Variants in TAMM41 observed in about 807,000 individuals in gnomAD.
The protein encoded by TAMM41 is phosphatidate cytidylyltransferase, mitochondrial.
TAMM41 carries 36 observed loss-of-function variants against 44.1 expected under a neutral mutation model. The ratio of observed to expected loss-of-function variants is 0.82; its 90% confidence interval spans 0.63 to 1.08. TAMM41 has a LOEUF of 1.08. TAMM41 is among the 50% of genes least tolerant of loss of function. TAMM41 has a pLI of 0.00. For synonymous variants in TAMM41, 164 were observed against 153.1 expected (o/e 1.07, Z -0.53); for missense variants, 417 against 404.3 (o/e 1.03, Z -0.27).
chr3:11,750,768 G>C, the TAMM41 span, among the ~76,000 whole-genome samples: 1 of 152,116 alleles, frequency 6.6e-6, no homozygotes. Context: ...CAACTCACCA[G>C]GTGCACAGGC....
At chr3:11,767,626 A>ATTTTTTTTTTTTTGTTTTTTTTTTT in the TAMM41 span, among the ~76,000 whole-genome samples, 2 of 60,692 alleles carry the variant, frequency 3.3e-5, 1 homozygote, top group Non-Finnish European at 6.1e-5. Flanking sequence ...CACGTTGTGC[A>ATTTTTTTTTTTTTGTTTTTTTTTTT]TTTTTTTTTT....
At chr3:11,802,418 A>AAAC (rs546932035) in intron 7 of TAMM41, among the ~76,000 whole-genome samples, 31 of 152,338 alleles carry the variant, frequency 2.0e-4, no homozygotes, top group African/African-American at 7.2e-4. Context: ...AGACTATTAT[A>AAAC]AACAACTAGA....
At chr3:11,767,578 A>G in the TAMM41 span, among the ~76,000 whole-genome samples, 6 of 148,632 alleles carry the variant, frequency 4.0e-5, no homozygotes, top group Non-Finnish European at 7.4e-5. Context: ...TCCCACCAGC[A>G]ATGTACGAGG....
the TAMM41 span, among the ~76,000 whole-genome samples, chr3:11,727,157 C>T: frequency 1.3e-5 from 2 of 152,200 alleles, no homozygotes; most frequent in African/African-American, 4.8e-5. Flanking sequence ...CTGTAGGCAT[C>T]CTCCTTATGC....
intron 5 of TAMM41, among the ~76,000 whole-genome samples, chr3:11,816,008 A>G (rs1164226490): frequency 1.3e-5 from 2 of 152,160 alleles, no homozygotes; most frequent in Non-Finnish European, 2.9e-5. Context: ...AATGTGGCAA[A>G]ATCTGTTAAA....
chr3:11,821,257 T>C (rs959659173), intron 4 of TAMM41, among the ~76,000 whole-genome samples: 10 of 152,228 alleles, frequency 6.6e-5, no homozygotes, highest in African/African-American at 2.4e-4. Flanking sequence ...CATTGTAATA[T>C]ATAATGAAAG....
chr3:11,737,383 C>T, the TAMM41 span, among the ~76,000 whole-genome samples: 5,214 of 151,356 alleles, frequency 0.034, 267 homozygotes, highest in African/African-American at 0.11. Context: ...TGCAATGGCA[C>T]GATCTCGGCT....
At chr3:11,744,710 G>C in the TAMM41 span, among the ~76,000 whole-genome samples, 282 of 151,420 alleles carry the variant, frequency 1.9e-3, 2 homozygotes, top group Non-Finnish European at 3.0e-3. Flanking sequence ...AAAAAGAAAA[G>C]AAAAGAAACA....
At chr3:11,825,501 A>C (rs1180141657) in intron 4 of TAMM41, among the ~76,000 whole-genome samples, 1 of 152,144 alleles carries the variant, frequency 6.6e-6, no homozygotes, top group Non-Finnish European at 1.5e-5. Context: ...TCCAGAGAAA[A>C]CGTTTCTTTA....
chr3:11,766,191 G>A, the TAMM41 span, among the ~76,000 whole-genome samples: 2 of 151,696 alleles, frequency 1.3e-5, no homozygotes, highest in African/African-American at 2.4e-5. Context: ...TTGAGACAGG[G>A]TCTAACTATG....
chr3:11,803,503 T>C (rs2077815523), intron 7 of TAMM41, among the ~76,000 whole-genome samples: 1 of 152,216 alleles, frequency 6.6e-6, no homozygotes. Context: ...GGAAACAGTA[T>C]GGAGATTTCT....
chr3:11,794,156 T>A (rs78524809), intron 7 of TAMM41, among the ~76,000 whole-genome samples: 27 of 54,852 alleles, frequency 4.9e-4, no homozygotes, highest in Admixed American at 1.2e-3. Flanking sequence ...CAATTTTTTT[T>A]TTTTTTTTTT....
the TAMM41 span, among the ~76,000 whole-genome samples, chr3:11,754,405 G>A: frequency 5.9e-5 from 9 of 151,860 alleles, no homozygotes; most frequent in Admixed American, 1.3e-4. Flanking sequence ...GCAGGGTCTC[G>A]CTCTATAACC....
intron 7 of TAMM41, among the ~76,000 whole-genome samples, chr3:11,799,230 G>A (rs1490490497): frequency 6.6e-6 from 1 of 151,868 alleles, no homozygotes; most frequent in Non-Finnish European, 1.5e-5. Context: ...ATTGCACTCT[G>A]GCCTGAGCTA....
chr3:11,787,046 C>T (rs2077421872), downstream of TAMM41, among the ~76,000 whole-genome samples: 1 of 151,896 alleles, frequency 6.6e-6, no homozygotes, highest in Non-Finnish European at 1.5e-5. Context: ...TGCTCACTCA[C>T]TTGTCTGGCA....
chr3:11,736,002 G>A, the TAMM41 span, among the ~76,000 whole-genome samples: 3 of 152,148 alleles, frequency 2.0e-5, no homozygotes, highest in Admixed American at 2.0e-4. Flanking sequence ...AGTAGCCAAA[G>A]CAAAGGGGTT....
chr3:11,748,910 G>GTTT, the TAMM41 span, among the ~76,000 whole-genome samples: 22 of 77,414 alleles, frequency 2.8e-4, 1 homozygote, highest in African/African-American at 1.2e-3. Flanking sequence ...CTGGGAAGTA[G>GTTT]ATTTTTTTTT....
intron 4 of TAMM41, 123 bp downstream of exon 4, chr3:11,829,591 C>T: frequency 8.5e-7 from 1 of 1,171,034 alleles, no homozygotes; most frequent in Non-Finnish European, 1.2e-6. Flanking sequence ...AGGAACCACT[C>T]AAGAGTGACG....
At chr3:11,761,978 A>C in the TAMM41 span, among the ~76,000 whole-genome samples, 165 of 151,306 alleles carry the variant, frequency 1.1e-3, no homozygotes, top group African/African-American at 4.0e-3. Flanking sequence ...AAAGAAAGAA[A>C]AGAAAAAAAG....
Sources: allele counts gnomAD v4.1 joint callset (sites outside exome capture counted in the v4.1 genomes callset), GRCh38; gene constraint gnomAD v4.1.1; transcripts MANE v1.5; gene names NCBI Gene and HGNC (gene_info 2026-07-23, HGNC 2026-07-21).